The following TMC7 variants were observed in gnomAD, a reference collection of about 807,000 sequenced individuals.
TMC7 encodes transmembrane channel like 7.
Under a neutral mutation model 82.9 loss-of-function variants are expected in TMC7, and 54 were observed. The ratio of observed to expected loss-of-function variants is 0.65; its 90% CI spans 0.52 to 0.82. The LOEUF (loss-of-function observed/expected upper bound fraction) is 0.82, where lower values mean the gene tolerates loss of function less well. Ranked by LOEUF, TMC7 falls within the 40% of genes least tolerant of loss-of-function variation. The probability of loss-of-function intolerance (pLI) is 0.00; values close to 1 mark genes in which losing one functional copy is unlikely to be tolerated. For synonymous variants in TMC7, 350 were observed against 337.9 expected, an observed-to-expected ratio of 1.04 and a Z score of -0.39; for missense variants, 820 against 901.2, an observed-to-expected ratio of 0.91 and a Z score of 1.15.
intron 1 of TMC7, among the ~76,000 whole-genome samples, chr16:19,008,529 G>A (rs2039280466): frequency 6.6e-6 from 1 of 152,146 alleles, no homozygotes; most frequent in Non-Finnish European, 1.5e-5. Context: ...GCTCAGGCTT[G>A]TTCTGGCTGG....
chr16:19,036,058 A>G (rs941720513), intron 7 of TMC7, among the ~76,000 whole-genome samples: 1 of 152,060 alleles, frequency 6.6e-6, no homozygotes, highest in African/African-American at 2.4e-5. Context: ...TGGGGTGGGG[A>G]TGCAGTGGCT....
At chr16:19,056,474 G>A in intron 13 of TMC7, 68 bp from the exon 14 acceptor site, 2 of 1,540,184 alleles carry the variant, frequency 1.3e-6, no homozygotes, top group Non-Finnish European at 1.8e-6. Flanking sequence ...CATTCTGGGT[G>A]TACAGGGGCG....
chr16:19,028,313 T>C (rs1054808207), intron 5 of TMC7, among the ~76,000 whole-genome samples: 2 of 151,960 alleles, frequency 1.3e-5, no homozygotes, highest in Non-Finnish European at 2.9e-5. Flanking sequence ...GGCTAGAGGA[T>C]CATTTGAGCC....
At chr16:19,037,852 G>A (rs377098142) in intron 7 of TMC7, 22 bp from the exon 8 acceptor site, 31 of 1,606,508 alleles carry the variant, frequency 1.9e-5, no homozygotes, top group Non-Finnish European at 2.6e-5. Context: ...CTGCTCACAA[G>A]TGAATTTTCT....
At chr16:18,990,648 G>C (rs1243336893) in intron 1 of TMC7, among the ~76,000 whole-genome samples, 1 of 152,152 alleles carries the variant, frequency 6.6e-6, no homozygotes, top group African/African-American at 2.4e-5. Flanking sequence ...TGGGATTATC[G>C]TTGGTTCTTA....
intron 1 of TMC7, among the ~76,000 whole-genome samples, chr16:19,008,357 T>A (rs530685952): frequency 2.2e-4 from 33 of 152,340 alleles, no homozygotes; most frequent in African/African-American, 7.0e-4. Context: ...TGGCTTTGTC[T>A]GCAGTGCTCC....
At chr16:19,041,837 C>G (rs1209490450) in intron 9 of TMC7, among the ~76,000 whole-genome samples, 1 of 152,140 alleles carries the variant, frequency 6.6e-6, no homozygotes, top group African/African-American at 2.4e-5. Context: ...AGTCATGTGT[C>G]CTAAATCTCT....
chr16:19,048,547 G>A (rs988988677), intron 12 of TMC7, among the ~76,000 whole-genome samples: 14 of 152,008 alleles, frequency 9.2e-5, no homozygotes, highest in Non-Finnish European at 1.9e-4. Flanking sequence ...TCAGCCTCCT[G>A]AGTAGCTGGG....
Position 19,042,832 on chromosome 16 carries a change from C to T in TMC7, c.1338-2052C>T, listed in dbSNP as rs188191203. On this transcript the variant is annotated intron_variant, in intron 9 of 15. Coordinates refer to ENST00000304381, the MANE Select transcript of TMC7 (RefSeq NM_024847.4). ...CGCGATCTCGGCTCACTGCAAGCTC[C>T]GCCTCCCGGGTTCACGCCATTCTCC... 9.0e-3 allele frequency among the ~76,000 whole-genome samples: 1,364 copies of T among 151,952 alleles called. 23 individuals are homozygous for T. The highest frequency in any genetic ancestry group is 0.032 in the African/African-American group (1,306 of 41,434).
At chr16:19,028,699 A>G (rs1015557823) in intron 5 of TMC7, among the ~76,000 whole-genome samples, 1 of 151,998 alleles carries the variant, frequency 6.6e-6, no homozygotes, top group Admixed American at 6.6e-5. Flanking sequence ...TCTGTTGCCC[A>G]GGCTGGAATG....
chr16:18,995,527 G>A (rs994171045), intron 1 of TMC7, among the ~76,000 whole-genome samples: 2 of 152,180 alleles, frequency 1.3e-5, no homozygotes, highest in African/African-American at 2.4e-5. Context: ...GATGGGACAC[G>A]GCTTAGGAGG....
At chr16:19,008,219 T>A (rs376247601) in intron 1 of TMC7, among the ~76,000 whole-genome samples, 1 of 152,102 alleles carries the variant, frequency 6.6e-6, no homozygotes, top group Non-Finnish European at 1.5e-5. Context: ...ATAAAACCCA[T>A]CTTGAAGGTA....
intron 14 of TMC7, among the ~76,000 whole-genome samples, chr16:19,058,752 C>CTGG (rs1457269597): frequency 6.6e-6 from 1 of 152,170 alleles, no homozygotes; most frequent in African/African-American, 2.4e-5. Flanking sequence ...GTTGCCCAGT[C>CTGG]TGGAGTATGG....
At chr16:18,984,171 G>T in intron 1 of TMC7, 41 bp downstream of exon 1, 1 of 1,461,824 alleles carries the variant, frequency 6.8e-7, no homozygotes, top group Non-Finnish European at 9.0e-7. Flanking sequence ...GTGCCCCTGG[G>T]GTCCGAGGGC....
intron 5 of TMC7, among the ~76,000 whole-genome samples, chr16:19,026,862 A>C (rs908148035): frequency 1.3e-5 from 2 of 151,706 alleles, no homozygotes; most frequent in African/African-American, 4.8e-5. Context: ...CCTGGGTTCA[A>C]GCGATTCTCC....
intron 1 of TMC7, among the ~76,000 whole-genome samples, chr16:18,989,869 C>G (rs1182968391): frequency 2.0e-5 from 3 of 151,806 alleles, no homozygotes; most frequent in Admixed American, 1.3e-4. Context: ...GTCGCCCAGC[C>G]TGAAGTGCAG....
At chr16:19,055,420 C>T (rs570275048) in intron 13 of TMC7, among the ~76,000 whole-genome samples, 6 of 152,240 alleles carry the variant, frequency 3.9e-5, no homozygotes, top group East Asian at 1.9e-4. Flanking sequence ...TACAGTGGCC[C>T]GATCTCGGCT....
At chr16:19,016,649 G>C (rs756750527) in intron 3 of TMC7, 51 bp downstream of exon 3, 2 of 1,585,808 alleles carry the variant, frequency 1.3e-6, no homozygotes, top group Non-Finnish European at 1.7e-6. Flanking sequence ...TCTGTGTCTG[G>C]GGAGCAAGTA....
Position 18,984,147 on chromosome 16 carries a change from C to A in TMC7, c.67+17C>A, listed in dbSNP as rs1485912172. 1.3e-6 allele frequency: 2 copies of A among 1,489,214 alleles called. No homozygotes were observed. The highest frequency in any genetic ancestry group is 1.8e-6 in the Non-Finnish European group (2 of 1,127,414). The allele number at this position is 1,489,214 out of a possible 1,614,324, so 92.3% of individuals were successfully genotyped here. On this transcript the variant is annotated intron_variant, in intron 1 of 15. Coordinates refer to ENST00000304381, the MANE Select transcript of TMC7 (RefSeq NM_024847.4). ...TCCATCCAGGTAGGGCGGCAGGGAG[C>A]GCGCGCGGGGACGGTGCCCCTGGGG...
Sources: allele counts gnomAD v4.1 joint callset (sites outside exome capture counted in the v4.1 genomes callset), GRCh38; gene constraint gnomAD v4.1.1; transcripts MANE v1.5; gene names NCBI Gene and HGNC (gene_info 2026-07-23, HGNC 2026-07-21).